Variants in OR51B5 observed in about 807,000 individuals in gnomAD.
OR51B5 encodes the protein olfactory receptor family 51 subfamily B member 5.
For missense variants in OR51B5, 456 were observed against 374.6 expected (o/e 1.22, Z -1.79); for synonymous variants, 186 against 144.8 (o/e 1.28, Z -2.04).
At chr11:5,414,727 A>G (rs1850210334) in intron 1 of OR51B5, among the ~76,000 whole-genome samples, 1 of 152,246 alleles carries the variant, frequency 6.6e-6, no homozygotes, top group Non-Finnish European at 1.5e-5. Context: ...AAGAAGAGCT[A>G]TCCTAAATAT....
intron 1 of OR51B5, among the ~76,000 whole-genome samples, chr11:5,361,046 C>T (rs970024036): frequency 3.3e-5 from 5 of 151,818 alleles, no homozygotes; most frequent in African/African-American, 7.3e-5. Flanking sequence ...TGCTAAGTGA[C>T]GAGTTAATGG....
At chr11:5,360,088 G>A (rs1849257031) in intron 1 of OR51B5, among the ~76,000 whole-genome samples, 1 of 151,906 alleles carries the variant, frequency 6.6e-6, no homozygotes, top group African/African-American at 2.4e-5. Flanking sequence ...GCATGGGCAA[G>A]GACTTCATGT....
intron 1 of OR51B5, among the ~76,000 whole-genome samples, chr11:5,406,760 T>C (rs985105008): frequency 2.0e-5 from 3 of 152,122 alleles, no homozygotes; most frequent in Non-Finnish European, 2.9e-5. Flanking sequence ...AAGATCAAGA[T>C]TCCAAAGAGA....
chr11:5,484,547 C>A (rs939781032), intron 1 of OR51B5, among the ~76,000 whole-genome samples: 2 of 152,180 alleles, frequency 1.3e-5, no homozygotes, highest in African/African-American at 4.8e-5. Flanking sequence ...AGCCCAAAAC[C>A]ATCTAGTGTC....
At chr11:5,364,058 G>C (rs2133700630) in intron 1 of OR51B5, among the ~76,000 whole-genome samples, 1 of 152,254 alleles carries the variant, frequency 6.6e-6, no homozygotes, top group Admixed American at 6.5e-5. Flanking sequence ...CTCTGAGCCA[G>C]GTACTATCTC....
intron 1 of OR51B5, among the ~76,000 whole-genome samples, chr11:5,395,532 G>A (rs1387132623): frequency 2.0e-5 from 3 of 152,278 alleles, no homozygotes. Context: ...GACAGATCTG[G>A]ACTTGTTACT....
intron 1 of OR51B5, among the ~76,000 whole-genome samples, chr11:5,349,747 A>C (rs1240295005): frequency 6.6e-6 from 1 of 152,124 alleles, no homozygotes; most frequent in Non-Finnish European, 1.5e-5. Flanking sequence ...CAGATTGAGC[A>C]ATAATACCTC....
chr11:5,489,493 C>T (rs763956444), intron 1 of OR51B5: 4 of 1,614,048 alleles, frequency 2.5e-6, no homozygotes, highest in East Asian at 2.2e-5. Context: ...CTTCTCCTTC[C>T]TCACCCACCG....
At chr11:5,340,689 G>A (rs996598967), downstream of OR51B5, 5 of 152,166 alleles carry the variant, frequency 3.3e-5, no homozygotes, top group Non-Finnish European at 7.4e-5. Flanking sequence ...ATAGTCTACT[G>A]TAGTGGAGTA....
intron 1 of OR51B5, chr11:5,403,264 T>C: frequency 2.1e-6 from 1 of 471,582 alleles, no homozygotes; most frequent in Non-Finnish European, 4.4e-6. Flanking sequence ...TATGGGCTCA[T>C]ACTCCACACT....
At chr11:5,451,186 A>T (rs1418371795) in intron 1 of OR51B5, among the ~76,000 whole-genome samples, 1 of 152,220 alleles carries the variant, frequency 6.6e-6, no homozygotes, top group Non-Finnish European at 1.5e-5. Flanking sequence ...CAAAATTAGC[A>T]ATCCCCAAGG....
chr11:5,360,311 C>T (rs1287993506), intron 1 of OR51B5, among the ~76,000 whole-genome samples: 2 of 151,722 alleles, frequency 1.3e-5, no homozygotes, highest in Non-Finnish European at 2.9e-5. Flanking sequence ...AAAAACAACC[C>T]CATCAAAAAG....
At chr11:5,497,983 A>G (rs1380621971) in intron 1 of OR51B5, among the ~76,000 whole-genome samples, 1 of 152,202 alleles carries the variant, frequency 6.6e-6, no homozygotes, top group Non-Finnish European at 1.5e-5. Flanking sequence ...TGGACTCTCC[A>G]GGAAATAGGG....
At chr11:5,436,166 G>A (rs1473729649) in intron 1 of OR51B5, among the ~76,000 whole-genome samples, 3 of 152,180 alleles carry the variant, frequency 2.0e-5, no homozygotes, top group African/African-American at 7.2e-5. Flanking sequence ...AATGAGTGAT[G>A]CTTCATTTTG....
intron 1 of OR51B5, chr11:5,390,099 T>C (rs1413595584): frequency 6.2e-7 from 1 of 1,613,814 alleles, no homozygotes; most frequent in Non-Finnish European, 8.5e-7. Context: ...GGACTCATCC[T>C]GCACACAGTA....
At chr11:5,425,353 G>A (rs1434324133) in intron 1 of OR51B5, among the ~76,000 whole-genome samples, 1 of 152,192 alleles carries the variant, frequency 6.6e-6, no homozygotes, top group Non-Finnish European at 1.5e-5. Flanking sequence ...ATGTCTTGAT[G>A]AGCGATATCT....
At chr11:5,398,572 T>A (rs1485565555) in intron 1 of OR51B5, among the ~76,000 whole-genome samples, 2 of 152,204 alleles carry the variant, frequency 1.3e-5, no homozygotes, top group East Asian at 3.9e-4. Context: ...CCATGATCCC[T>A]GATATGGCTT....
At chr11:5,480,293 T>A (rs1220285237) in intron 1 of OR51B5, among the ~76,000 whole-genome samples, 1 of 151,062 alleles carries the variant, frequency 6.6e-6, no homozygotes, top group Non-Finnish European at 1.5e-5. Flanking sequence ...GAAATAAAGA[T>A]GTTCTTTGAA....
chr11:5,393,439 T>A lies in OR51B5; in HGVS notation n.85-46529A>T, dbSNP rs550733297. ...CACTATGTAAAAGGCTATAAATATT[T>A]GTATCAAAAGAAAAACAGCTGTTAT... On this transcript the variant is annotated intron_variant and non_coding_transcript_variant, in intron 1 of 4. Transcript: ENST00000415970. 4.7e-4 allele frequency among the ~76,000 whole-genome samples: 72 copies of A among 152,280 alleles called. 3 individuals carry two copies. The South Asian group carries it at 0.014, about 29-fold the overall frequency.
Sources: allele counts gnomAD v4.1 joint callset (sites outside exome capture counted in the v4.1 genomes callset), GRCh38; gene constraint gnomAD v4.1.1; transcripts MANE v1.5; gene names NCBI Gene and HGNC (gene_info 2026-07-23, HGNC 2026-07-21).